Variants in EBF2 observed in about 807,000 individuals in gnomAD.
The protein encoded by EBF2 is EBF transcription factor 2.
A neutral mutation model predicts 72.8 loss-of-function variants in EBF2; 21 were observed. The observed-to-expected ratio is 0.29, with a 90% CI of 0.20 to 0.42. The LOEUF (loss-of-function observed/expected upper bound fraction) is 0.42, where lower values mean the gene tolerates loss of function less well. EBF2 is among the 10% of genes least tolerant of loss of function. The probability of loss-of-function intolerance (pLI) is 1.00; values close to 1 mark genes in which losing one functional copy is unlikely to be tolerated. For synonymous variants in EBF2, 299 were observed against 274.2 expected, an observed-to-expected ratio of 1.09 and a Z score of -0.89; for missense variants, 637 against 731.2, an observed-to-expected ratio of 0.87 and a Z score of 1.49.
At chr8:26,021,817 A>C (rs1397553946) in intron 6 of EBF2, among the ~76,000 whole-genome samples, 2 of 152,226 alleles carry the variant, frequency 1.3e-5, no homozygotes, top group African/African-American at 4.8e-5. Context: ...TGAATGAATG[A>C]ATGACAGAGG....
intron 6 of EBF2, among the ~76,000 whole-genome samples, chr8:26,002,912 AGGCG>A (rs1269674714): frequency 1.8e-3 from 126 of 70,326 alleles, no homozygotes; most frequent in African/African-American, 7.6e-3. Context: ...GCAGGCGGGC[AGGCG>A]GGCAGGCGGG....
chr8:25,846,714 C>A (rs1801845281), intron 15 of EBF2, among the ~76,000 whole-genome samples: 1 of 152,074 alleles, frequency 6.6e-6, no homozygotes, highest in African/African-American at 2.4e-5. Context: ...CAGTCCCTTC[C>A]TTTTTCTGGG....
chr8:25,999,837 C>A (rs923278457), intron 6 of EBF2, among the ~76,000 whole-genome samples: 2 of 152,042 alleles, frequency 1.3e-5, no homozygotes, highest in African/African-American at 4.8e-5. Flanking sequence ...TCTTTGCTGC[C>A]TGCCTCCCAC....
At chr8:25,875,537 A>G (rs530707712) in intron 10 of EBF2, among the ~76,000 whole-genome samples, 12 of 152,322 alleles carry the variant, frequency 7.9e-5, no homozygotes, top group African/African-American at 2.9e-4. Context: ...TGTAGAGAGG[A>G]TAATTTCTAT....
intron 14 of EBF2, chr8:25,857,956 G>A (rs895462633): frequency 1.1e-4 from 39 of 365,848 alleles, no homozygotes; most frequent in African/African-American, 1.5e-4. Context: ...AGTTCTTATC[G>A]AAAAGTTCTT....
intron 7 of EBF2, among the ~76,000 whole-genome samples, chr8:25,903,597 T>C (rs1802990537): frequency 6.6e-6 from 1 of 152,100 alleles, no homozygotes; most frequent in Non-Finnish European, 1.5e-5. Flanking sequence ...CTCTGGAGGC[T>C]GAGGCAGGAG....
intron 8 of EBF2, among the ~76,000 whole-genome samples, chr8:25,889,236 A>C (rs1802738501): frequency 6.6e-6 from 1 of 152,194 alleles, no homozygotes; most frequent in Non-Finnish European, 1.5e-5. Flanking sequence ...ATATACTTTA[A>C]TTTTTTGGAC....
rs1343627069 is a variant in EBF2 at position 26,044,264 on chromosome 8, C to A, written c.131+465G>T. ...ACCCTCTGGCCGCCGGCCTCCCAGGCTCCAGGAATCGCCCAGCAAGATGCG... is the reference window on the plus strand; with the variant it reads ...ACCCTCTGGCCGCCGGCCTCCCAGGATCCAGGAATCGCCCAGCAAGATGCG... On this transcript the variant is annotated intron_variant, in intron 1 of 15. Transcript: ENST00000520164. This position sits in a 1 kb window ranked among gnomAD's most constrained non-coding sequence, Gnocchi z 4.1. 6.6e-6 allele frequency among the ~76,000 whole-genome samples: 1 copy of A among 152,204 alleles called. No homozygotes were observed.
chr8:25,869,925 T>C (rs1264989818), intron 10 of EBF2, among the ~76,000 whole-genome samples: 1 of 152,208 alleles, frequency 6.6e-6, no homozygotes, highest in East Asian at 1.9e-4. Flanking sequence ...AGGTGGGATC[T>C]GTGTCCTGCT....
At chr8:25,985,992 ACT>A (rs1204944381) in intron 6 of EBF2, among the ~76,000 whole-genome samples, 3 of 127,080 alleles carry the variant, frequency 2.4e-5, no homozygotes, top group African/African-American at 5.8e-5. Context: ...ACAGAGTGAA[ACT>A]CTGTCTCAAA....
chr8:25,902,592 G>A (rs1333877741), intron 7 of EBF2, among the ~76,000 whole-genome samples: 1 of 151,552 alleles, frequency 6.6e-6, no homozygotes, highest in Non-Finnish European at 1.5e-5. Flanking sequence ...CTAGACATTG[G>A]CAATACATAC....
At position 25,953,930 on chromosome 8, in the gene EBF2, A is replaced by G. The variant is rs142150544; in HGVS notation, c.552-45375T>C. Among the ~76,000 whole-genome samples the G allele has an allele frequency of 4.6e-3, 708 of 152,284 alleles. 1 individual carries two copies. Among genetic ancestry groups the G allele is most frequent in the Non-Finnish European group, 8.0e-3 (542 of 68,012 alleles). On this transcript the variant is annotated intron_variant, in intron 6 of 15. Coordinates refer to ENST00000520164, the MANE Select transcript of EBF2 (RefSeq NM_022659.4). ...CTCCCAGCAGCACATTAGGTTGCATATTAAACAGATGGGATGCAGATTTGA... is the reference window on the plus strand; with the variant it reads ...CTCCCAGCAGCACATTAGGTTGCATGTTAAACAGATGGGATGCAGATTTGA...
At chr8:25,894,482 G>C (rs561431770) in intron 7 of EBF2, among the ~76,000 whole-genome samples, 2 of 152,068 alleles carry the variant, frequency 1.3e-5, no homozygotes, top group Non-Finnish European at 2.9e-5. Context: ...GGTCACGAAG[G>C]CTGACCCTTC....
At chr8:26,022,425 T>C (rs1405015667) in intron 6 of EBF2, among the ~76,000 whole-genome samples, 3 of 152,202 alleles carry the variant, frequency 2.0e-5, no homozygotes, top group Non-Finnish European at 4.4e-5. Flanking sequence ...GACCCACACC[T>C]TGGGGCTTTT....
intron 6 of EBF2, among the ~76,000 whole-genome samples, chr8:26,002,801 C>A (rs189698476): frequency 6.6e-6 from 1 of 151,550 alleles, no homozygotes; most frequent in Non-Finnish European, 1.5e-5. Context: ...CTTGTGGTTG[C>A]AGATTTGATG....
At chr8:25,948,518 C>T (rs1310933209) in intron 6 of EBF2, among the ~76,000 whole-genome samples, 6 of 152,178 alleles carry the variant, frequency 3.9e-5, no homozygotes, top group African/African-American at 7.2e-5. Context: ...AATTCCTGAT[C>T]GGATTCCTAA....
intron 6 of EBF2, among the ~76,000 whole-genome samples, chr8:26,017,151 A>ATTTT (rs922786984): frequency 7.3e-6 from 1 of 136,300 alleles, no homozygotes; most frequent in African/African-American, 2.8e-5. Context: ...CAGTCCCCTT[A>ATTTT]TTTAAAAAAA....
chr8:25,929,445 C>T (rs1803444041), intron 6 of EBF2, among the ~76,000 whole-genome samples: 1 of 152,184 alleles, frequency 6.6e-6, no homozygotes, highest in Non-Finnish European at 1.5e-5. Context: ...TTATTGAGAG[C>T]AGACACTCGA....
chr8:26,038,323 T>C (rs985991320), intron 5 of EBF2, among the ~76,000 whole-genome samples: 4 of 152,218 alleles, frequency 2.6e-5, no homozygotes, highest in Admixed American at 2.6e-4. Flanking sequence ...TACAGTACAT[T>C]AAATTTTTAT....
Sources: allele counts gnomAD v4.1 joint callset (sites outside exome capture counted in the v4.1 genomes callset), GRCh38; gene constraint gnomAD v4.1.1; non-coding constraint Gnocchi (gnomAD v3.1); transcripts MANE v1.5; gene names NCBI Gene and HGNC (gene_info 2026-07-23, HGNC 2026-07-21).